Variants in ZBTB44 observed in about 807,000 individuals in gnomAD.
ZBTB44 encodes the protein zinc finger and BTB domain-containing protein 44.
A neutral mutation model predicts 54.0 loss-of-function variants in ZBTB44; 15 were observed. That is an observed-to-expected ratio of 0.28 (90% confidence interval 0.19 to 0.43). The LOEUF (loss-of-function observed/expected upper bound fraction) is 0.43, where lower values mean the gene tolerates loss of function less well. Ranked by LOEUF, ZBTB44 falls within the 20% of genes least tolerant of loss-of-function variation. ZBTB44 has a pLI of 1.00. For missense variants in ZBTB44, 487 were observed against 707.1 expected (o/e 0.69, Z 3.53); for synonymous variants, 230 against 250.1 (o/e 0.92, Z 0.76).
chr11:130,245,246 C>T (rs911635727), intron 2 of ZBTB44, among the ~76,000 whole-genome samples: 4 of 152,134 alleles, frequency 2.6e-5, no homozygotes, highest in Non-Finnish European at 1.5e-5. Flanking sequence ...CCTGCTTTTC[C>T]CCTATGTCTA....
intron 2 of ZBTB44, among the ~76,000 whole-genome samples, chr11:130,241,729 T>C (rs948670956): frequency 3.5e-4 from 53 of 152,184 alleles, no homozygotes; most frequent in African/African-American, 1.3e-3. Flanking sequence ...CTTTTCTCAT[T>C]GTTATGGCTT....
chr11:130,254,604 G>A (rs9667907), intron 2 of ZBTB44, among the ~76,000 whole-genome samples: 9,434 of 152,098 alleles, frequency 0.062, 701 homozygotes, highest in African/African-American at 0.18. Context: ...TGGAGAAATA[G>A]GAACACTTTT....
chr11:130,277,433 C>T (rs375932336), intron 1 of ZBTB44, among the ~76,000 whole-genome samples: 1 of 152,168 alleles, frequency 6.6e-6, no homozygotes, highest in East Asian at 1.9e-4. Flanking sequence ...ATCATATCTG[C>T]TCATGATTAC....
chr11:130,239,556 T>C, intron 3 of ZBTB44: 1 of 270,868 alleles, frequency 3.7e-6, no homozygotes, highest in Non-Finnish European at 7.1e-6. Context: ...AATTGGCCTG[T>C]GGTTCATAGT....
chr11:130,234,952 G>A (rs1954042440), intron 5 of ZBTB44, among the ~76,000 whole-genome samples: 1 of 151,740 alleles, frequency 6.6e-6, no homozygotes, highest in South Asian at 2.1e-4. Context: ...CTTTCCTTAA[G>A]TGATGAAATA....
chr11:130,312,225 C>G (rs993584273), intron 1 of ZBTB44, among the ~76,000 whole-genome samples: 1 of 152,110 alleles, frequency 6.6e-6, no homozygotes, highest in South Asian at 2.1e-4. Context: ...AACCACTAAG[C>G]AAAAGATTGT....
chr11:130,296,313 A>T, intron 1 of ZBTB44: 1 of 1,515,572 alleles, frequency 6.6e-7, no homozygotes, highest in Non-Finnish European at 8.9e-7. Flanking sequence ...ATTCCTTAAG[A>T]AGAACCGAAA....
At position 130,261,530 on chromosome 11, in the gene ZBTB44, C is replaced by A; in HGVS notation, c.344G>T (p.Ser115Ile). 6.2e-7 allele frequency: 1 copy of A among 1,613,990 alleles called. No individual in the cohort carries two copies. The highest frequency in any genetic ancestry group is 8.5e-7 in the Non-Finnish European group (1 of 1,179,900). The change falls in exon 2 of 8, where the codon AGT becomes ATT. Residue 115 changes from serine (S) to isoleucine (I), a missense_variant. Around this residue, in one of 3 missense-constraint regions of ZBTB44, gnomAD observed 90 missense variants for 160.3 expected, o/e 0.56. Transcript: ENST00000357899. The surrounding 1 kb of genome is among the most constrained non-coding windows in gnomAD (Gnocchi z 4.8). ...GAACTCTGAGCAGGTGCTGGCAACA[C>A]TGAACATTTGCATATAGCTGGCTGC... ...LAAASYMQMF[S>I]VASTCSEFMK...
intron 2 of ZBTB44, among the ~76,000 whole-genome samples, chr11:130,258,677 G>A (rs955202482): frequency 7.2e-5 from 11 of 152,226 alleles, no homozygotes; most frequent in African/African-American, 1.9e-4. Flanking sequence ...GAAAGACTAT[G>A]TGACACAGAC....
chr11:130,304,821 GT>G (rs1161412322), intron 1 of ZBTB44, among the ~76,000 whole-genome samples: 1 of 152,126 alleles, frequency 6.6e-6, no homozygotes, highest in Non-Finnish European at 1.5e-5. Flanking sequence ...AACTGTTGCT[GT>G]TTGCTGATGA....
intron 1 of ZBTB44, among the ~76,000 whole-genome samples, chr11:130,307,958 T>G (rs1330703255): frequency 6.6e-6 from 1 of 152,174 alleles, no homozygotes. Flanking sequence ...GCTCCTGACC[T>G]TAGGTGAGCC....
rs968536444 is a variant in ZBTB44, at chr11:130,260,893, T to C, written c.981A>G (p.Gln327=). 9.9e-6 allele frequency: 16 copies of C among 1,613,858 alleles called. No individual in the cohort carries two copies. The African/African-American group carries it at 2.0e-4, about 20-fold the overall frequency. ...ACTGTGGACTAATCAGAAGGTCCTCTTGGACTTGTTCACTTCCTGGAACTG... is the reference window on the plus strand; with the variant it reads ...ACTGTGGACTAATCAGAAGGTCCTCCTGGACTTGTTCACTTCCTGGAACTG... ...QQTVPGSEQV[Q]EDLLISPQSS... Residue 327 remains glutamine, a synonymous_variant, in exon 2 of 8, where the codon CAA becomes CAG. Transcript: ENST00000357899.
intron 1 of ZBTB44, chr11:130,296,300 T>C: frequency 6.6e-7 from 1 of 1,508,378 alleles, no homozygotes; most frequent in South Asian, 1.2e-5. Context: ...TTCTGCTCTT[T>C]ACATTCCTTA....
intron 2 of ZBTB44, among the ~76,000 whole-genome samples, chr11:130,254,142 CA>C (rs1351338554): frequency 6.6e-6 from 1 of 152,158 alleles, no homozygotes; most frequent in Non-Finnish European, 1.5e-5. Flanking sequence ...CAATACCATT[CA>C]GGACATAGGC....
At position 130,227,048 on chromosome 11, in the gene ZBTB44, C is replaced by CA. The variant is rs1318733346; in HGVS notation, c.*4715dup. The CA allele has an allele frequency of 2.0e-5, 3 of 151,944 alleles. No homozygotes were observed. The highest frequency in any genetic ancestry group is 7.3e-5 in the African/African-American group (3 of 41,348). 9.4% of individuals were successfully genotyped at this position (151,944 alleles called of 1,614,324 possible). A position where few individuals can be genotyped will look rare whatever the true frequency, so the allele number is the denominator to read the frequency against. On this transcript the variant is annotated 3_prime_UTR_variant, in exon 8 of 8. Coordinates refer to ENST00000357899, the MANE Select transcript of ZBTB44 (RefSeq NM_001301098.2). ...AAAAACATGATATTCACATTGATTA[C>CA]AATAACCCTAAAAATGATTGTAACG... is the stretch of plus-strand genomic sequence containing the variant.
chr11:130,303,381 A>AT (rs1244014787), intron 1 of ZBTB44, among the ~76,000 whole-genome samples: 1 of 152,246 alleles, frequency 6.6e-6, no homozygotes, highest in Non-Finnish European at 1.5e-5. Flanking sequence ...CACACGTTTA[A>AT]TCCCGGCACT....
At chr11:130,297,192 G>A (rs1941701905) in intron 1 of ZBTB44, among the ~76,000 whole-genome samples, 1 of 152,168 alleles carries the variant, frequency 6.6e-6, no homozygotes. Flanking sequence ...CAAGCACTGA[G>A]CACTGTAACT....
intron 1 of ZBTB44, among the ~76,000 whole-genome samples, chr11:130,311,098 C>G (rs754910293): frequency 1.3e-5 from 2 of 152,040 alleles, no homozygotes; most frequent in Non-Finnish European, 2.9e-5. Flanking sequence ...AGTCTAAATA[C>G]GAAAATAAAT....
chr11:130,252,321 A>G (rs1354715536), intron 2 of ZBTB44, among the ~76,000 whole-genome samples: 1 of 152,202 alleles, frequency 6.6e-6, no homozygotes, highest in African/African-American at 2.4e-5. Context: ...CCACACAATA[A>G]TAGTGGGAGA....
Sources: allele counts gnomAD v4.1 joint callset (sites outside exome capture counted in the v4.1 genomes callset), GRCh38; gene constraint gnomAD v4.1.1; regional missense constraint gnomAD v4.1.1; non-coding constraint Gnocchi (gnomAD v3.1); transcripts MANE v1.5; gene names NCBI Gene and HGNC (gene_info 2026-07-23, HGNC 2026-07-21).